The following FBLN1 variants were observed in gnomAD, a reference collection of about 807,000 sequenced individuals.
The protein encoded by FBLN1 is fibulin-1.
FBLN1 carries 34 observed loss-of-function variants against 89.7 expected under a neutral mutation model. The observed-to-expected ratio is 0.38, with a 90% CI of 0.29 to 0.50. The LOEUF (loss-of-function observed/expected upper bound fraction) is 0.50, where lower values mean the gene tolerates loss of function less well. FBLN1 is among the 20% of genes least tolerant of loss of function. The probability of loss-of-function intolerance (pLI) is 0.92; values close to 1 mark genes in which losing one functional copy is unlikely to be tolerated. For synonymous variants in FBLN1, 393 were observed against 391.3 expected (o/e 1.00, Z -0.05); for missense variants, 777 against 988.1 (o/e 0.79, Z 2.86).
At chr22:45,534,090 A>C (rs201797292) in intron 7 of FBLN1, among the ~76,000 whole-genome samples, 192 bp downstream of exon 7, 1 of 152,198 alleles carries the variant, frequency 6.6e-6, no homozygotes, top group Non-Finnish European at 1.5e-5. Flanking sequence ...ATGGAAGGTG[A>C]AAGTGCTTGC....
chr22:45,544,255 T>A (rs2088597037), intron 11 of FBLN1, among the ~76,000 whole-genome samples: 1 of 152,070 alleles, frequency 6.6e-6, no homozygotes, highest in South Asian at 2.1e-4. Flanking sequence ...CCCAGCTAAT[T>A]TTTGTATTTT....
rs2088015414 is a variant in FBLN1, at chr22:45,506,018, C to G, written c.79+2954C>G. ...TCCTGACCTCAGGTGATCCACCTAC[C>G]TCGGCCTCCCAAAGTGCTGGAATTA... On this transcript the variant is annotated intron_variant, in intron 1 of 16. Transcript: ENST00000327858. Among the ~76,000 whole-genome samples, 3 of 152,350 alleles carry G rather than the reference C, an allele frequency of 2.0e-5. No individual in the cohort carries two copies. The South Asian group carries it at 6.2e-4, about 32-fold the overall frequency.
chr22:45,516,615 C>T (rs2088172714), intron 1 of FBLN1, among the ~76,000 whole-genome samples: 1 of 152,114 alleles, frequency 6.6e-6, no homozygotes, highest in Non-Finnish European at 1.5e-5. Flanking sequence ...ATCTCACGTT[C>T]ACCGAAGAGC....
At chr22:45,540,917 C>T (rs1420447362) in intron 8 of FBLN1, among the ~76,000 whole-genome samples, 1 of 152,192 alleles carries the variant, frequency 6.6e-6, no homozygotes, top group Non-Finnish European at 1.5e-5. Flanking sequence ...AATACCGTGC[C>T]CAGTGTGTGG....
intron 14 of FBLN1, among the ~76,000 whole-genome samples, chr22:45,552,312 CATGTGCGG>C (rs2088714650): frequency 1.3e-5 from 2 of 152,278 alleles, no homozygotes; most frequent in Admixed American, 6.5e-5. Context: ...AGTATGGACA[CATGTGCGG>C]TGAAATGGGG....
Position 45,574,726 on chromosome 22 carries a change from CAGG to C in FBLN1, c.1840+76_1840+78del. The C allele has an allele frequency of 7.5e-7, 1 of 1,327,666 alleles. No homozygotes were observed. The highest frequency in any genetic ancestry group is 1.2e-5 in the South Asian group (1 of 82,244). The allele number at this position is 1,327,666 out of a possible 1,614,324, so 82.2% of individuals were successfully genotyped here. On this transcript the variant is annotated intron_variant, in intron 15 of 16. Transcript: ENST00000327858. The surrounding 1 kb of genome is among the most constrained non-coding windows in gnomAD (Gnocchi z 4.1). ...CGGCTTCAGCTGAGGGCTTGGCCTA[CAGG>C]AGTTGTTCCTTGTAAGATGTGGCCC...
At chr22:45,551,427 G>A (rs894576769) in intron 14 of FBLN1, among the ~76,000 whole-genome samples, 15 of 152,188 alleles carry the variant, frequency 9.9e-5, no homozygotes, top group Non-Finnish European at 2.9e-5. Context: ...AGCTGCCCCC[G>A]CGACCTGAGG....
At chr22:45,552,925 G>T (rs1602203027) in intron 14 of FBLN1, among the ~76,000 whole-genome samples, 1 of 152,372 alleles carries the variant, frequency 6.6e-6, no homozygotes. Context: ...CCTCAGTGGG[G>T]CCGGCGCCTG....
At chr22:45,510,232 C>A (rs544966788) in intron 1 of FBLN1, among the ~76,000 whole-genome samples, 1 of 152,140 alleles carries the variant, frequency 6.6e-6, no homozygotes, top group East Asian at 1.9e-4. Context: ...CGCGGTCTCA[C>A]AATAAAAGAC....
chr22:45,518,581 G>A lies in FBLN1; in HGVS notation c.80-101G>A, dbSNP rs7292978. 0.25 allele frequency: 217,436 copies of A among 868,698 alleles called. 29,458 individuals are homozygous for A. The highest frequency in any genetic ancestry group is 0.29 in the Non-Finnish European group (155,091 of 530,410). 53.8% of individuals were successfully genotyped at this position (868,698 alleles called of 1,614,324 possible). A position where few individuals can be genotyped will look rare whatever the true frequency, so the allele number is the denominator to read the frequency against. ...GATGTGCCCCCAGCCTGATGCTGTC[G>A]TCAAGACAGAAGGACGTGCGTGTCC... On this transcript the variant is annotated intron_variant, in intron 1 of 16. Transcript: ENST00000327858.
At chr22:45,589,226 C>A (rs891059017) in intron 16 of FBLN1, among the ~76,000 whole-genome samples, 2 of 151,968 alleles carry the variant, frequency 1.3e-5, no homozygotes, top group Non-Finnish European at 2.9e-5. Flanking sequence ...CTGAGGCACA[C>A]AGGAGCTTCC....
At chr22:45,599,109 G>A (rs1483537990) in intron 16 of FBLN1, among the ~76,000 whole-genome samples, 1 of 152,198 alleles carries the variant, frequency 6.6e-6, no homozygotes, top group East Asian at 1.9e-4. Flanking sequence ...CCTGGAATCT[G>A]CAGAATGCCT....
At chr22:45,523,286 T>A in intron 2 of FBLN1, 1 of 615,944 alleles carries the variant, frequency 1.6e-6, no homozygotes, top group East Asian at 2.7e-5. Context: ...GATACAAGGG[T>A]AACCAGGTGG....
At chr22:45,573,615 A>C (rs1246816902) in intron 14 of FBLN1, among the ~76,000 whole-genome samples, 1 of 135,864 alleles carries the variant, frequency 7.4e-6, no homozygotes, top group Non-Finnish European at 1.5e-5. Flanking sequence ...TGGGAGGCGG[A>C]GGTTGCAGTG....
Position 45,579,005 on chromosome 22 carries a change from A to G in FBLN1, c.1972+1897A>G, listed in dbSNP as rs2089021410. ...TGCCGAAATAGGCATGCACAGAGAC[A>G]GGCCTTGATGGCCTGTGGAGGCTCT... On this transcript the variant is annotated intron_variant, in intron 16 of 16. Transcript: ENST00000327858. This position sits in a 1 kb window ranked among gnomAD's most constrained non-coding sequence, Gnocchi z 5.5. Among the ~76,000 whole-genome samples the G allele has an allele frequency of 6.6e-6, 1 of 152,254 alleles. No individual in the cohort carries two copies. Among genetic ancestry groups the G allele is most frequent in the Admixed American group, 6.5e-5 (1 of 15,288 alleles).
Position 45,502,934 on chromosome 22 carries a change from AC to A in FBLN1, c.-50del, listed in dbSNP as rs971694058. On this transcript the variant is annotated 5_prime_UTR_variant, in exon 1 of 17. Transcript: ENST00000327858. ...GTGGAGCCCGCGCCGCTGCCCCAGG[AC>A]CGCGCCCGCGCCTTTGTCCGCCGCC... The A allele has an allele frequency of 1.4e-5, 12 of 839,964 alleles. No individual in the cohort carries two copies. The highest frequency in any genetic ancestry group is 5.6e-5 in the Admixed American group (1 of 17,992). The allele number at this position is 839,964 out of a possible 1,614,324, so 52.0% of individuals were successfully genotyped here. A position where few individuals can be genotyped will look rare whatever the true frequency, so the allele number is the denominator to read the frequency against.
chr22:45,565,192 C>G lies in FBLN1; in HGVS notation c.1698-9319C>G, dbSNP rs75366754. 8.3e-3 allele frequency: 12,789 copies of G among 1,534,210 alleles called. 63 individuals carry two copies. The highest frequency in any genetic ancestry group is 9.9e-3 in the Non-Finnish European group (11,310 of 1,139,556). On this transcript the variant is annotated intron_variant, in intron 14 of 16. Coordinates refer to ENST00000327858, the MANE Select transcript of FBLN1 (RefSeq NM_006486.3). ...TCCAAGATGCAGCCCAGGAGCCTCT[C>G]TGAAGGACCAGTCTGGTTACGATGG...
chr22:45,554,987 C>T (rs2088760755), intron 14 of FBLN1, among the ~76,000 whole-genome samples: 2 of 149,402 alleles, frequency 1.3e-5, no homozygotes, highest in African/African-American at 5.1e-5. Flanking sequence ...AGGACCCGTC[C>T]CCGTCTCCAC....
At chr22:45,591,296 G>C (rs1569268388) in intron 16 of FBLN1, among the ~76,000 whole-genome samples, 1 of 152,200 alleles carries the variant, frequency 6.6e-6, no homozygotes, top group African/African-American at 2.4e-5. Context: ...CAGTCGATGT[G>C]AGTGAGCTCT....
Sources: gnomAD v4.1 joint callset for allele counts (sites outside exome capture counted in the v4.1 genomes callset) on GRCh38, gnomAD v4.1.1 for gene constraint, Gnocchi (gnomAD v3.1) non-coding constraint, MANE v1.5 for transcripts, NCBI Gene and HGNC (gene_info 2026-07-23, HGNC 2026-07-21) for gene names.